The following GABRG3 variants were observed in gnomAD, a reference collection of about 807,000 sequenced individuals.
The protein encoded by GABRG3 is gamma-aminobutyric acid receptor subunit gamma-3.
In GABRG3, 25 loss-of-function variants were observed where a neutral mutation model predicts 48.8. The ratio of observed to expected loss-of-function variants is 0.51; its 90% confidence interval spans 0.37 to 0.72. The LOEUF (loss-of-function observed/expected upper bound fraction) is 0.72, where lower values mean the gene tolerates loss of function less well. Ranked by LOEUF, GABRG3 falls within the 30% of genes least tolerant of loss-of-function variation. The pLI, the probability that GABRG3 is intolerant of heterozygous loss-of-function variation, is 0.00. For synonymous variants in GABRG3, 227 were observed against 217.6 expected (o/e 1.04, Z -0.38); for missense variants, 394 against 577.9 (o/e 0.68, Z 3.26).
chr15:27,476,392 A>G (rs904422362), intron 5 of GABRG3, among the ~76,000 whole-genome samples: 23 of 152,224 alleles, frequency 1.5e-4, no homozygotes, highest in African/African-American at 4.3e-4. Context: ...TAAAGAACTT[A>G]AGGAAATCAT....
At chr15:27,257,814 AT>A (rs60790753) in intron 3 of GABRG3, among the ~76,000 whole-genome samples, 10,823 of 142,492 alleles carry the variant, frequency 0.076, 502 homozygotes, top group South Asian at 0.14. Flanking sequence ...ACACGTGGCT[AT>A]TTTTTTTTTT....
intron 3 of GABRG3, among the ~76,000 whole-genome samples, chr15:27,307,153 T>TA (rs202213635): frequency 0.014 from 1,747 of 127,782 alleles, 78 homozygotes; most frequent in African/African-American, 0.052. Flanking sequence ...TATATAAACA[T>TA]ATAAAAACAT....
intron 5 of GABRG3, among the ~76,000 whole-genome samples, chr15:27,442,698 G>A (rs1888827376): frequency 6.6e-6 from 1 of 152,142 alleles, no homozygotes; most frequent in Non-Finnish European, 1.5e-5. Flanking sequence ...CTCCTACAAG[G>A]AACTTCAAAG....
chr15:27,201,065 T>C (rs1037036903), intron 3 of GABRG3, among the ~76,000 whole-genome samples: 1 of 152,042 alleles, frequency 6.6e-6, no homozygotes, highest in African/African-American at 2.4e-5. Context: ...GGGAAAGAAA[T>C]AGAGCAGAAT....
intron 5 of GABRG3, among the ~76,000 whole-genome samples, chr15:27,474,266 C>A (rs1295216941): frequency 6.6e-6 from 1 of 152,040 alleles, no homozygotes; most frequent in Non-Finnish European, 1.5e-5. Flanking sequence ...AGGCCCAGAC[C>A]AAAATAATTT....
At chr15:27,218,384 T>C (rs1428357751) in intron 3 of GABRG3, among the ~76,000 whole-genome samples, 1 of 152,186 alleles carries the variant, frequency 6.6e-6, no homozygotes, top group Non-Finnish European at 1.5e-5. Context: ...TTTTATGCTC[T>C]TATTCAGAAA....
intron 5 of GABRG3, among the ~76,000 whole-genome samples, chr15:27,384,794 T>G (rs992396199): frequency 3.3e-5 from 5 of 152,216 alleles, no homozygotes; most frequent in Non-Finnish European, 5.9e-5. Context: ...CACTGGAAAC[T>G]TTCAATATGT....
rs1043497461 is a variant in GABRG3, at chr15:26,989,217, G to A, written c.202+12067G>A. 2.6e-5 allele frequency among the ~76,000 whole-genome samples: 4 copies of A among 152,260 alleles called. No individual in the cohort carries two copies. The South Asian group carries it at 6.2e-4, about 24-fold the overall frequency. On this transcript the variant is annotated intron_variant, in intron 2 of 9. Transcript: ENST00000615808. ...GAATGTTTTCAAGGTTTATCAATGT[G>A]ATAGCATGTATCAGTACTTCTTTCA...
chr15:27,136,655 T>A (rs78988752), intron 3 of GABRG3, among the ~76,000 whole-genome samples: 4,818 of 152,122 alleles, frequency 0.032, 86 homozygotes, highest in East Asian at 0.09. Flanking sequence ...ATGGGCAAAC[T>A]TTTTTTTAAG....
chr15:27,308,781 ACAC>A (rs1252352575), intron 3 of GABRG3, among the ~76,000 whole-genome samples: 2 of 150,042 alleles, frequency 1.3e-5, no homozygotes, highest in Non-Finnish European at 3.0e-5. Context: ...TATATATAAA[ACAC>A]AATGTAAACA....
chr15:27,296,380 G>A (rs1891984008), intron 3 of GABRG3, among the ~76,000 whole-genome samples: 2 of 152,154 alleles, frequency 1.3e-5, no homozygotes, highest in South Asian at 4.2e-4. Flanking sequence ...GAAGTGGCTG[G>A]GAACAACTGT....
At chr15:27,271,740 C>G (rs1022579965) in intron 3 of GABRG3, 1 of 422,156 alleles carries the variant, frequency 2.4e-6, no homozygotes, top group East Asian at 7.0e-5. Context: ...AGCCAATGCA[C>G]CTTAGATCAG....
intron 6 of GABRG3, among the ~76,000 whole-genome samples, chr15:27,498,132 A>G (rs1040924273): frequency 2.6e-5 from 4 of 151,984 alleles, no homozygotes; most frequent in African/African-American, 9.7e-5. Flanking sequence ...CATATATGTG[A>G]TATGCCTATC....
At chr15:27,080,810 C>A (rs887793174) in intron 3 of GABRG3, among the ~76,000 whole-genome samples, 1 of 152,176 alleles carries the variant, frequency 6.6e-6, no homozygotes, top group African/African-American at 2.4e-5. Context: ...GGCCCTGGGA[C>A]TTGCTTCCAA....
chr15:27,203,831 AT>A (rs141387866), intron 3 of GABRG3, among the ~76,000 whole-genome samples: 354 of 152,248 alleles, frequency 2.3e-3, no homozygotes, highest in African/African-American at 8.3e-3. Context: ...GGCTGCATGC[AT>A]GTCTTCTTTT....
intron 2 of GABRG3, among the ~76,000 whole-genome samples, chr15:27,011,324 T>C (rs1324764602): frequency 6.6e-6 from 1 of 152,206 alleles, no homozygotes; most frequent in South Asian, 2.1e-4. Context: ...TCTGTCTGCT[T>C]CAATGAAATA....
At position 27,131,915 on chromosome 15, in the gene GABRG3, C is replaced by A. The variant is rs1406900158; in HGVS notation, c.270+105094C>A. On this transcript the variant is annotated intron_variant, in intron 3 of 9. Transcript: ENST00000615808. ...GAGCATTTTAAAAATATATATTTGG[C>A]CATTTTCATGTCTTCTTTTGAGAAA... Among the ~76,000 whole-genome samples, 4 of 152,024 alleles carry A rather than the reference C, an allele frequency of 2.6e-5. No individual in the cohort carries two copies. In the East Asian group the frequency reaches 7.8e-4, roughly 29 times the overall value.
At chr15:27,210,354 C>T (rs1889034473) in intron 3 of GABRG3, among the ~76,000 whole-genome samples, 1 of 152,194 alleles carries the variant, frequency 6.6e-6, no homozygotes, top group Non-Finnish European at 1.5e-5. Flanking sequence ...AACACGTTTT[C>T]CTGCATGTGG....
At chr15:27,066,100 A>AACATT (rs1166288638) in intron 3 of GABRG3, among the ~76,000 whole-genome samples, 1 of 152,240 alleles carries the variant, frequency 6.6e-6, no homozygotes. Context: ...GCAATGATTA[A>AACATT]ACATTAGATG....
Sources: gnomAD v4.1 joint callset for allele counts (sites outside exome capture counted in the v4.1 genomes callset) on GRCh38, gnomAD v4.1.1 for gene constraint, MANE v1.5 for transcripts, NCBI Gene and HGNC (gene_info 2026-07-23, HGNC 2026-07-21) for gene names.